The following RAPGEF1 variants were observed in gnomAD, a reference collection of about 807,000 sequenced individuals.
RAPGEF1 encodes the protein Rap guanine nucleotide exchange factor 1, also known as CRK SH3-binding GNRP.
Under a neutral mutation model 143.3 loss-of-function variants are expected in RAPGEF1, and 33 were observed. The observed-to-expected ratio is 0.23, with a 90% CI of 0.17 to 0.31. RAPGEF1 has a LOEUF of 0.31. Among genes scored for constraint, RAPGEF1 ranks in the 10% least tolerant of loss-of-function variants. The pLI is 1.00. For missense variants in RAPGEF1, 1,199 were observed against 1,645.4 expected (o/e 0.73, Z 4.69); for synonymous variants, 629 against 676.5 (o/e 0.93, Z 1.09).
At chr9:131,714,068 A>C (rs1835692192) in intron 1 of RAPGEF1, among the ~76,000 whole-genome samples, 1 of 151,970 alleles carries the variant, frequency 6.6e-6, no homozygotes, top group Non-Finnish European at 1.5e-5. Flanking sequence ...TTTTTTTAAG[A>C]GACAGGGTCT....
Position 131,592,131 on chromosome 9 carries a change from G to T in RAPGEF1, c.2742C>A (p.Ser914=), listed in dbSNP as rs772317553. 3 of 1,612,890 alleles carry T rather than the reference G, an allele frequency of 1.9e-6. No individual in the cohort carries two copies. The highest frequency in any genetic ancestry group is 2.5e-6 in the Non-Finnish European group (3 of 1,178,866). ...AFLTTYRTFI[S]PEELIKKLQY... is the part of the protein sequence containing the mutation. The stretch of plus-strand genomic sequence containing the variant: ...GCAGCTTCTTGATGAGCTCCTCTGG[G>T]GAGATGAAGGTCCTGTAGGTGGTCA... The change falls in exon 18 of 27, where the codon TCC becomes TCA. Residue 914 remains serine, a synonymous_variant. Coordinates refer to ENST00000683357, the MANE Select transcript of RAPGEF1 (RefSeq NM_001377935.1).
At chr9:131,737,644 T>C (rs1837505138) in intron 1 of RAPGEF1, 3 of 1,387,330 alleles carry the variant, frequency 2.2e-6, no homozygotes, top group Admixed American at 2.9e-5. Flanking sequence ...GGGCAGCTCA[T>C]GGGATGACAG....
chr9:131,629,013 C>T (rs562742531), intron 7 of RAPGEF1, 89 bp downstream of exon 7: 16 of 1,509,946 alleles, frequency 1.1e-5, no homozygotes, highest in African/African-American at 1.4e-5. Context: ...AAGCCCTCAG[C>T]GCTGAGGGGA....
At chr9:131,649,101 C>T (rs1046188905) in intron 3 of RAPGEF1, among the ~76,000 whole-genome samples, 16 of 151,360 alleles carry the variant, frequency 1.1e-4, no homozygotes, top group Non-Finnish European at 1.8e-4. Context: ...GGTGTGATCT[C>T]GGCTCACTGC....
rs1359749324 is a variant in RAPGEF1 at position 131,605,029 on chromosome 9, G to A, written c.2221C>T (p.Pro741Ser). 1 of 1,363,344 alleles carries A rather than the reference G, an allele frequency of 7.3e-7. No homozygotes were observed. The highest frequency in any genetic ancestry group is 1.1e-5 in the South Asian group (1 of 87,074). 84.5% of individuals were successfully genotyped at this position (1,363,344 alleles called of 1,614,324 possible). The change falls in exon 13 of 27, where the codon CCT (proline) becomes TCT (serine). Residue 741 changes from proline to serine, a missense_variant. Transcript: ENST00000683357. ...DLAVPTMAGP[P>S]PSTVDGPLSA... is the part of the protein sequence containing the mutation. ...AGAGGCCCGTCCACGGTGCTGGGAG[G>A]TGGACCGGCCATGGTTGGCACGGCT...
At chr9:131,588,483 C>T (rs1019922198) in intron 20 of RAPGEF1, among the ~76,000 whole-genome samples, 2 of 152,236 alleles carry the variant, frequency 1.3e-5, no homozygotes, top group Non-Finnish European at 2.9e-5. Context: ...GGGCCACAGA[C>T]TGGCATCAAC....
At chr9:131,582,256 A>G (rs1016898713) in intron 25 of RAPGEF1, among the ~76,000 whole-genome samples, 6 of 152,038 alleles carry the variant, frequency 3.9e-5, no homozygotes, top group Non-Finnish European at 7.4e-5. Context: ...ATGTGTGGGG[A>G]GAGGAGCCAT....
intron 14 of RAPGEF1, among the ~76,000 whole-genome samples, chr9:131,602,706 C>T (rs1343293742): frequency 1.3e-5 from 2 of 152,240 alleles, no homozygotes; most frequent in African/African-American, 4.8e-5. Context: ...CTCAGGGCTG[C>T]AGTGCTCAAC....
intron 1 of RAPGEF1, among the ~76,000 whole-genome samples, chr9:131,703,476 G>GGAT (rs1834819706): frequency 6.6e-6 from 1 of 152,078 alleles, no homozygotes; most frequent in Non-Finnish European, 1.5e-5. Flanking sequence ...CTGACTGCAC[G>GGAT]CCAGGCACTG....
Position 131,709,611 on chromosome 9 carries a change from C to A in RAPGEF1, c.61+30159G>T, listed in dbSNP as rs758852505. 5.6e-6 allele frequency: 9 copies of A among 1,613,408 alleles called. No individual in the cohort carries two copies. The South Asian group carries it at 9.9e-5, about 18-fold the overall frequency. On this transcript the variant is annotated intron_variant, in intron 1 of 26. Transcript: ENST00000683357. ...TTCTTCCTGGAAAGGAAGCCCAGGG[C>A]TTTCTTACCTTGTTTCCAGGGGTAC...
chr9:131,621,803 C>T lies in RAPGEF1; in HGVS notation c.1898G>A (p.Arg633Gln), dbSNP rs1429415937. 4 of 1,604,356 alleles carry T rather than the reference C, an allele frequency of 2.5e-6. No individual in the cohort carries two copies. The highest frequency in any genetic ancestry group is 1.3e-5 in the African/African-American group (1 of 74,802). ...AGGGAAGGTGTCACTCACCAGCTGCCGCTGCTTGGGGGGTAGGGCGGGCGG... is the reference window on the plus strand; with the variant it reads ...AGGGAAGGTGTCACTCACCAGCTGCTGCTGCTTGGGGGGTAGGGCGGGCGG... Reference protein sequence around the residue: ...APPPALPPKQRQLASCAASSF... With the variant: ...APPPALPPKQQQLASCAASSF... The change falls in exon 11 of 27, where the codon CGG becomes CAG. Residue 633 changes from arginine (R) to glutamine (Q), a missense_variant. Physicochemically the swap from Arg to Gln is conservative, Grantham distance 43 (BLOSUM62 1). This residue lies in a region of RAPGEF1 where 293 missense variants were observed against 356.2 expected (regional missense o/e 0.82). Coordinates refer to ENST00000683357, the MANE Select transcript of RAPGEF1 (RefSeq NM_001377935.1). This position sits in a 1 kb window ranked among gnomAD's most constrained non-coding sequence, Gnocchi z 4.5.
At chr9:131,632,378 C>T (rs1022639478) in intron 5 of RAPGEF1, among the ~76,000 whole-genome samples, 13 of 151,182 alleles carry the variant, frequency 8.6e-5, no homozygotes, top group Admixed American at 2.0e-4. Flanking sequence ...CCGCCCGCCT[C>T]GGCCTCCCAA....
chr9:131,686,736 C>T (rs1239804699), intron 1 of RAPGEF1, among the ~76,000 whole-genome samples: 1 of 152,198 alleles, frequency 6.6e-6, no homozygotes, highest in Non-Finnish European at 1.5e-5. Flanking sequence ...CTGGAAAAGG[C>T]AGGCAAAGCC....
chr9:131,669,369 G>A (rs1366100006), intron 1 of RAPGEF1, among the ~76,000 whole-genome samples: 2 of 152,160 alleles, frequency 1.3e-5, no homozygotes, highest in Non-Finnish European at 2.9e-5. Flanking sequence ...ACAGTGAAGG[G>A]ACAGGAGTCA....
chr9:131,716,474 C>G lies in RAPGEF1; in HGVS notation c.61+23296G>C, dbSNP rs539741137. On this transcript the variant is annotated intron_variant, in intron 1 of 26. Coordinates refer to ENST00000683357, the MANE Select transcript of RAPGEF1 (RefSeq NM_001377935.1). ...ATATGTAAGGAGAATGCTTCTTAAA[C>G]CCCTGATGTGGCCAGGCACTATGGC... Among the ~76,000 whole-genome samples the G allele has an allele frequency of 1.2e-3, 183 of 152,278 alleles. 2 individuals are homozygous for G. Among genetic ancestry groups the G allele is most frequent in the African/African-American group, 4.2e-3 (175 of 41,552 alleles).
At chr9:131,699,365 C>T (rs890927562) in intron 1 of RAPGEF1, among the ~76,000 whole-genome samples, 9 of 152,024 alleles carry the variant, frequency 5.9e-5, no homozygotes, top group African/African-American at 2.2e-4. Context: ...CTGCCTCAGC[C>T]TCCTGAATAG....
In RAPGEF1 at chr9:131,695,907, G is replaced by A. The variant is rs543166787; in HGVS notation, c.61+43863C>T. On this transcript the variant is annotated intron_variant, in intron 1 of 26. Transcript: ENST00000683357. ...CAGGCATTCTTTAGAACTCCTCACC[G>A]CACCCCGTTCCCTGCTGCAGATTTT... 8.3e-4 allele frequency among the ~76,000 whole-genome samples: 126 copies of A among 152,300 alleles called. 1 individual carries two copies. The highest frequency in any genetic ancestry group is 2.6e-3 in the African/African-American group (107 of 41,542).
intron 12 of RAPGEF1, among the ~76,000 whole-genome samples, chr9:131,606,401 G>A (rs1957120911): frequency 6.6e-6 from 1 of 152,204 alleles, no homozygotes; most frequent in Non-Finnish European, 1.5e-5. Flanking sequence ...CAAAGTCCTT[G>A]CAGATATGGG....
chr9:131,665,442 A>G (rs900835089), intron 1 of RAPGEF1, among the ~76,000 whole-genome samples: 2 of 152,122 alleles, frequency 1.3e-5, no homozygotes, highest in African/African-American at 4.8e-5. Flanking sequence ...GCCCAGTGCC[A>G]TCTTTATTCC....
Sources: gnomAD v4.1 joint callset for allele counts (sites outside exome capture counted in the v4.1 genomes callset) on GRCh38, gnomAD v4.1.1 for gene constraint, gnomAD v4.1.1 regional missense constraint, Gnocchi (gnomAD v3.1) non-coding constraint, MANE v1.5 for transcripts, NCBI Gene and HGNC (gene_info 2026-07-23, HGNC 2026-07-21) for gene names.